Variants in RP2 observed in about 807,000 individuals in gnomAD.
RP2 encodes RP2 activator of ARL3 GTPase.
Under a neutral mutation model 20.3 loss-of-function variants are expected in RP2, and 3 were observed. The ratio of observed to expected loss-of-function variants is 0.15; its 90% CI spans 0.07 to 0.38. RP2 has a LOEUF of 0.38. RP2 is among the 10% of genes least tolerant of loss of function. The pLI is 1.00. For missense variants in RP2, 233 were observed against 268.5 expected (o/e 0.87, Z 0.92); for synonymous variants, 75 against 94.8 (o/e 0.79, Z 1.22).
intron 3 of RP2, among the ~76,000 whole-genome samples, chrX:46,861,598 A>G (rs1556320114): frequency 9.0e-6 from 1 of 111,703 alleles, no homozygotes; most frequent in Non-Finnish European, 1.9e-5. Context: ...TAATCCCAGC[A>G]TTTTGGGAGG....
At chrX:46,857,913 C>T (rs1311460233) in intron 2 of RP2, among the ~76,000 whole-genome samples, 1 of 111,903 alleles carries the variant, frequency 8.9e-6, no homozygotes, top group African/African-American at 3.2e-5. Flanking sequence ...AGTCATCTGG[C>T]AGTGATGTCC....
intron 3 of RP2, among the ~76,000 whole-genome samples, chrX:46,861,222 G>A (rs1556320059): frequency 8.9e-6 from 1 of 112,069 alleles, no homozygotes; most frequent in Non-Finnish European, 1.9e-5. Context: ...TGAGCATATC[G>A]GTAGAGCTAA....
At chrX:46,868,039 T>G (rs1304992519) in intron 3 of RP2, among the ~76,000 whole-genome samples, 1 of 112,058 alleles carries the variant, frequency 8.9e-6, no homozygotes, top group Non-Finnish European at 1.9e-5. Context: ...CTGGATCATG[T>G]TGTAGTTCTA....
chrX:46,877,481 A>T (rs1925389059), intron 3 of RP2, 24 bp from the exon 4 acceptor site: 1 of 1,068,933 alleles, frequency 9.4e-7, no homozygotes, highest in Non-Finnish European at 1.3e-6. Flanking sequence ...GTGTTAAGAA[A>T]ATGTTTCTTG....
intron 1 of RP2, among the ~76,000 whole-genome samples, chrX:46,847,822 GTATATGTGTA>G (rs1220338569): frequency 4.4e-5 from 4 of 91,641 alleles, no homozygotes; most frequent in South Asian, 9.5e-4. Context: ...ACATATATGT[GTATATGTGTA>G]TATATGTGTG....
At chrX:46,865,438 G>C (rs1028179645) in intron 3 of RP2, among the ~76,000 whole-genome samples, 1 of 111,863 alleles carries the variant, frequency 8.9e-6, no homozygotes, top group Non-Finnish European at 1.9e-5. Context: ...TTCTCATCAC[G>C]ACATCACAGG....
intron 3 of RP2, among the ~76,000 whole-genome samples, chrX:46,867,179 C>T (rs1201483404): frequency 9.0e-6 from 1 of 111,242 alleles, no homozygotes; most frequent in Admixed American, 9.6e-5. Context: ...TGGCTCACTG[C>T]AACCTCCACC....
At chrX:46,868,383 C>T (rs781996854) in intron 3 of RP2, among the ~76,000 whole-genome samples, 4 of 109,859 alleles carry the variant, frequency 3.6e-5, no homozygotes, top group Non-Finnish European at 5.7e-5. Context: ...AAAAATGAGC[C>T]GAGCATGGTG....
At chrX:46,869,900 C>T (rs986449165) in intron 3 of RP2, among the ~76,000 whole-genome samples, 9 of 110,979 alleles carry the variant, frequency 8.1e-5, no homozygotes, top group South Asian at 3.8e-4. Flanking sequence ...TGAGCCACCG[C>T]GCCTGGTGCA....
At chrX:46,855,209 T>G (rs1412468030) in intron 2 of RP2, among the ~76,000 whole-genome samples, 3 of 110,329 alleles carry the variant, frequency 2.7e-5, no homozygotes, top group Non-Finnish European at 5.7e-5. Flanking sequence ...GCAAAGCTCA[T>G]AGGCTCATGA....
chrX:46,871,178 C>T (rs782625100), intron 3 of RP2, among the ~76,000 whole-genome samples: 2 of 108,309 alleles, frequency 1.8e-5, no homozygotes, highest in Non-Finnish European at 1.9e-5. Flanking sequence ...CCCGCCACCA[C>T]GCCCGGCTAA....
intron 3 of RP2, among the ~76,000 whole-genome samples, chrX:46,869,794 A>G (rs1219106538): frequency 9.5e-6 from 1 of 104,881 alleles, no homozygotes; most frequent in Non-Finnish European, 1.9e-5. Context: ...TTTTTAGTAG[A>G]GATGGGGTTT....
At position 46,865,925 on chromosome X, in the gene RP2, C is replaced by CA. The variant is rs782061830; in HGVS notation, c.883+5837dup. Reference sequence around the variant, plus strand: ...TGGGCGACAGAGTGAGACTCTGTCTCAAAAAAAAAAAAAAGATTTGTCCCT... The same window carrying CA: ...TGGGCGACAGAGTGAGACTCTGTCTCAAAAAAAAAAAAAAAGATTTGTCCCT... On this transcript the variant is annotated intron_variant, in intron 3 of 4. Transcript: ENST00000218340. Among the ~76,000 whole-genome samples, 536 of 75,933 alleles carry CA rather than the reference C, an allele frequency of 7.1e-3. 2 individuals carry two copies. Among genetic ancestry groups the CA allele is most frequent in the African/African-American group, 0.022 (445 of 20,516 alleles). The allele number at this position is 75,933 out of a possible 115,157, so 65.9% of individuals were successfully genotyped here.
At chrX:46,844,350 C>T (rs1924677840) in intron 1 of RP2, among the ~76,000 whole-genome samples, 1 of 99,693 alleles carries the variant, frequency 1.0e-5, no homozygotes, top group Non-Finnish European at 2.0e-5. Flanking sequence ...CACGACAGGC[C>T]CCGGTGTGTG....
chrX:46,849,186 A>C (rs781794674), intron 1 of RP2, among the ~76,000 whole-genome samples: 2 of 109,704 alleles, frequency 1.8e-5, no homozygotes, highest in African/African-American at 3.3e-5. Flanking sequence ...TCAGTTGTTT[A>C]TTATTACTTT....
intron 3 of RP2, among the ~76,000 whole-genome samples, chrX:46,860,621 G>C (rs1925045747): frequency 8.9e-6 from 1 of 112,023 alleles, no homozygotes; most frequent in Non-Finnish European, 1.9e-5. Flanking sequence ...ACTGGATATA[G>C]GTCTTCAAAG....
At chrX:46,866,442 T>G (rs1925174700) in intron 3 of RP2, among the ~76,000 whole-genome samples, 1 of 112,262 alleles carries the variant, frequency 8.9e-6, no homozygotes, top group African/African-American at 3.2e-5. Flanking sequence ...ATCCCTTCCC[T>G]TGCTTTTTTG....
rs538946963 is a variant in RP2, at chrX:46,841,591, G to C, written c.102+4389G>C. On this transcript the variant is annotated intron_variant, in intron 1 of 4. Transcript: ENST00000218340. ...TGTGATGGCAGGGTTCCAAGGGCAA[G>C]CATCCTAAGAGAGACTGGCAGAAGC... is the stretch of plus-strand genomic sequence containing the variant. 9.1e-4 allele frequency among the ~76,000 whole-genome samples: 102 copies of C among 111,828 alleles called. No homozygotes were observed. In the Middle Eastern group the frequency reaches 0.014, roughly 15 times the overall value.
At chrX:46,862,543 C>G (rs1448406430) in intron 3 of RP2, among the ~76,000 whole-genome samples, 1 of 109,127 alleles carries the variant, frequency 9.2e-6, no homozygotes, top group Non-Finnish European at 1.9e-5. Flanking sequence ...GCCTGTAGTC[C>G]CAGCTACTCA....
Sources: gnomAD v4.1 joint callset for allele counts (sites outside exome capture counted in the v4.1 genomes callset) on GRCh38, gnomAD v4.1.1 for gene constraint, MANE v1.5 for transcripts, NCBI Gene and HGNC (gene_info 2026-07-23, HGNC 2026-07-21) for gene names.